VSX1: variants seen among roughly 807,000 people sequenced by gnomAD.
VSX1 encodes the protein visual system homeobox 1.
VSX1 carries 23 observed loss-of-function variants against 23.6 expected under a neutral mutation model. The observed-to-expected ratio is 0.97, with a 90% CI of 0.70 to 1.38. VSX1 has a LOEUF of 1.38. Among genes scored for constraint, VSX1 ranks in the 40% most tolerant of loss-of-function variants. VSX1 has a pLI of 0.00. For missense variants in VSX1, 517 were observed against 495.4 expected, an observed-to-expected ratio of 1.04 and a Z score of -0.41; for synonymous variants, 247 against 215.1, an observed-to-expected ratio of 1.15 and a Z score of -1.30.
At chr20:25,074,048 C>A (rs1381001975), downstream of VSX1, among the ~76,000 whole-genome samples, 1 of 152,020 alleles carries the variant, frequency 6.6e-6, no homozygotes, top group Non-Finnish European at 1.5e-5. Context: ...CCCATATTGT[C>A]AAAAAATGAT....
chr20:25,080,174 C>T (rs1166813419), intron 1 of VSX1, among the ~76,000 whole-genome samples: 1 of 152,140 alleles, frequency 6.6e-6, no homozygotes, highest in Non-Finnish European at 1.5e-5. Flanking sequence ...ATCAAAAAGT[C>T]TAGATGGAAA....
intron 3 of VSX1, chr20:25,078,545 CTCTT>C (rs1294237749): frequency 7.4e-7 from 1 of 1,343,112 alleles, no homozygotes; most frequent in Non-Finnish European, 9.5e-7. Context: ...GAGAGGTAGT[CTCTT>C]TTTTTTTTTT....
At chr20:25,077,044 C>T (rs759255814) in intron 4 of VSX1, among the ~76,000 whole-genome samples, 7 of 152,194 alleles carry the variant, frequency 4.6e-5, no homozygotes, top group Non-Finnish European at 8.8e-5. Context: ...CACCATGATC[C>T]TCCTAACTAA....
rs1477342509 is a variant in VSX1 at position 25,075,683 on chromosome 20, G to T, written c.*578C>A. 6.5e-6 allele frequency: 1 copy of T among 152,954 alleles called. No homozygotes were observed. Among genetic ancestry groups the T allele is most frequent in the East Asian group, 1.9e-4 (1 of 5,210 alleles). 9.5% of individuals were successfully genotyped at this position (152,954 alleles called of 1,614,324 possible). On this transcript the variant is annotated 3_prime_UTR_variant, in exon 5 of 5. Coordinates refer to ENST00000376709, the MANE Select transcript of VSX1 (RefSeq NM_014588.6). ...TAAAGGAAATGCAGAAACGACTAGA[G>T]TATGGGTTTCTTTGAATTCCAATAT...
chr20:25,081,710 G>C lies in VSX1; in HGVS notation c.387C>G (p.Leu129=), dbSNP rs757690043. ...CGCTGTCGCTGCGCTTCTGGCGGCC[G>C]AGCGCAGGCGGCGGACGGCTGGGAG... ...PLAPSRPPPA[L]GRQKRSDSVS... The change falls in exon 1 of 5, where the codon CTC becomes CTG. Residue 129 remains leucine, a synonymous_variant. Coordinates refer to ENST00000376709, the MANE Select transcript of VSX1 (RefSeq NM_014588.6). 65 of 1,504,272 alleles carry C rather than the reference G, an allele frequency of 4.3e-5. 1 individual carries two copies. In the South Asian group the frequency reaches 4.5e-4, roughly 10 times the overall value. 93.2% of individuals were successfully genotyped at this position (1,504,272 alleles called of 1,614,324 possible).
At chr20:25,078,346 A>T (rs2089555971) in intron 3 of VSX1, among the ~76,000 whole-genome samples, 1 of 152,154 alleles carries the variant, frequency 6.6e-6, no homozygotes, top group African/African-American at 2.4e-5. Flanking sequence ...TTTAGCTGTT[A>T]AAAAAAGAGT....
At chr20:25,074,796 T>C (rs946051792), downstream of VSX1, among the ~76,000 whole-genome samples, 1 of 151,946 alleles carries the variant, frequency 6.6e-6, no homozygotes, top group Admixed American at 6.6e-5. Flanking sequence ...AACCGAGGAG[T>C]AAACATGAGG....
downstream of VSX1, chr20:25,072,156 C>G: frequency 1.8e-6 from 1 of 569,650 alleles, no homozygotes; most frequent in East Asian, 2.8e-5. Flanking sequence ...CAATTGTGAC[C>G]TTAAAATGGT....
intron 4 of VSX1, 140 bp from the exon 5 acceptor site, chr20:25,076,690 G>T: frequency 9.8e-7 from 1 of 1,017,932 alleles, no homozygotes; most frequent in Non-Finnish European, 1.4e-6. Flanking sequence ...TACAGGAGAG[G>T]CAGGTAGGTA....
Position 25,081,909 on chromosome 20 carries a change from C to T in VSX1, c.188G>A (p.Cys63Tyr), listed in dbSNP as rs1055377652. The change falls in exon 1 of 5, where the codon TGC becomes TAC. Residue 63 changes from cysteine (C) to tyrosine (Y), a missense_variant. Transcript: ENST00000376709. ...GGAGCCGTCAAGCCCCGGGCCCGGG[C>T]ACGGCGCGACTGCCGGACCCTCGCA... Reference protein sequence around the residue: ...SGCEGPAVAPCPGPGLDGSSL... With the variant: ...SGCEGPAVAPYPGPGLDGSSL... The T allele has an allele frequency of 3.9e-6, 6 of 1,528,694 alleles. No homozygotes were observed. The African/African-American group carries it at 6.9e-5, about 18-fold the overall frequency. The allele number at this position is 1,528,694 out of a possible 1,614,324, so 94.7% of individuals were successfully genotyped here.
At chr20:25,070,923 A>T, downstream of VSX1, 1 of 420,112 alleles carries the variant, frequency 2.4e-6, no homozygotes, top group Non-Finnish European at 4.6e-6. Flanking sequence ...TTATAAAGAA[A>T]GAATGAAAAG....
At chr20:25,073,431 T>G (rs1408845142), downstream of VSX1, among the ~76,000 whole-genome samples, 1 of 152,222 alleles carries the variant, frequency 6.6e-6, no homozygotes, top group African/African-American at 2.4e-5. Flanking sequence ...CTTTACCTTC[T>G]GCATAGGGAT....
intron 1 of VSX1, chr20:25,081,370 C>A: frequency 1.5e-6 from 1 of 677,024 alleles, no homozygotes; most frequent in East Asian, 3.1e-5. Flanking sequence ...AAAAATGGCC[C>A]TCTGGAGATG....
chr20:25,081,723 G>A lies in VSX1; in HGVS notation c.374C>T (p.Pro125Leu), dbSNP rs1024624871. The A allele has an allele frequency of 1.9e-5, 29 of 1,500,770 alleles. No homozygotes were observed. Among genetic ancestry groups the A allele is most frequent in the South Asian group, 3.8e-5 (3 of 78,642 alleles). The allele number at this position is 1,500,770 out of a possible 1,614,324, so 93.0% of individuals were successfully genotyped here. A position where few individuals can be genotyped will look rare whatever the true frequency, so the allele number is the denominator to read the frequency against. The change falls in exon 1 of 5, where the codon CCG (proline) becomes CTG (leucine). Residue 125 changes from proline to leucine, a missense_variant. Transcript: ENST00000376709. Reference protein sequence around the residue: ...EPAAPLAPSRPPPALGRQKRS... With the variant: ...EPAAPLAPSRLPPALGRQKRS... ...CTTCTGGCGGCCGAGCGCAGGCGGC[G>A]GACGGCTGGGAGCCAGCGGGGCAGC...
downstream of VSX1, among the ~76,000 whole-genome samples, chr20:25,073,191 G>A (rs1436407999): frequency 6.6e-6 from 1 of 151,894 alleles, no homozygotes; most frequent in Admixed American, 6.6e-5. Context: ...TGTCTCATGT[G>A]AATTTAACCC....
At position 25,077,980 on chromosome 20, in the gene VSX1, T is replaced by C. The variant is rs377356362; in HGVS notation, c.628-115A>G. 2.2e-6 allele frequency: 3 copies of C among 1,364,818 alleles called. No homozygotes were observed. The African/African-American group carries it at 4.3e-5, about 20-fold the overall frequency. 84.5% of individuals were successfully genotyped at this position (1,364,818 alleles called of 1,614,324 possible). ...ATCTTCTCTCCCGAGCATGATCCCA[T>C]GCTATTTCTGAAGGAAATAGCTCCC... On this transcript the variant is annotated intron_variant, in intron 3 of 4. Transcript: ENST00000376709.
In VSX1 at chr20:25,081,845, G is replaced by A; in HGVS notation, c.252C>T (p.Leu84=). The A allele has an allele frequency of 6.6e-7, 1 of 1,519,492 alleles. No individual in the cohort carries two copies. The highest frequency in any genetic ancestry group is 1.2e-5 in the South Asian group (1 of 82,766). 94.1% of individuals were successfully genotyped at this position (1,519,492 alleles called of 1,614,324 possible). A position where few individuals can be genotyped will look rare whatever the true frequency, so the allele number is the denominator to read the frequency against. Residue 84 remains leucine, a synonymous_variant, in exon 1 of 5, where the codon CTC becomes CTT. Coordinates refer to ENST00000376709, the MANE Select transcript of VSX1 (RefSeq NM_014588.6). ...GCGGCTGCGTGCCGAAGCCACAGAG[G>A]AGGCCGAGTCCCAGCGGTAGGGCCC... ...ARGALPLGLG[L]LCGFGTQPPA...
chr20:25,071,428 T>C (rs1360623804), downstream of VSX1: 4 of 453,334 alleles, frequency 8.8e-6, no homozygotes, highest in Non-Finnish European at 1.8e-5. Flanking sequence ...GCTATGATTG[T>C]GCCACTGCAC....
At chr20:25,079,085 C>A in intron 2 of VSX1, 133 bp from the exon 3 acceptor site, 1 of 994,010 alleles carries the variant, frequency 1.0e-6, no homozygotes, top group Non-Finnish European at 1.5e-6. Flanking sequence ...ATGGAACACC[C>A]CACCTCTGAA....
Sources: allele counts gnomAD v4.1 joint callset (sites outside exome capture counted in the v4.1 genomes callset), GRCh38; gene constraint gnomAD v4.1.1; transcripts MANE v1.5; gene names NCBI Gene and HGNC (gene_info 2026-07-23, HGNC 2026-07-21).